Variants in ABCC6 observed in about 807,000 individuals in gnomAD.
The protein encoded by ABCC6 is ATP binding cassette subfamily C member 6, also known as ATP-binding cassette sub-family C member 6.
ABCC6 carries 126 observed loss-of-function variants against 169.5 expected under a neutral mutation model. The observed-to-expected ratio is 0.74, with a 90% CI of 0.64 to 0.86. ABCC6 has a LOEUF of 0.86. Among genes scored for constraint, ABCC6 ranks in the 40% least tolerant of loss-of-function variants. The pLI is 0.00. For missense variants in ABCC6, 1,733 were observed against 1,927.2 expected, an observed-to-expected ratio of 0.90 and a Z score of 1.89; for synonymous variants, 752 against 814.7, an observed-to-expected ratio of 0.92 and a Z score of 1.31.
At chr16:16,190,433 C>G in intron 11 of ABCC6, 66 bp from the exon 12 acceptor site, 1 of 1,565,470 alleles carries the variant, frequency 6.4e-7, no homozygotes. Flanking sequence ...TGCACCCTGA[C>G]AGCCACCCTT....
intron 11 of ABCC6, among the ~76,000 whole-genome samples, chr16:16,192,377 A>G (rs1481972196): frequency 6.6e-6 from 1 of 152,042 alleles, no homozygotes; most frequent in East Asian, 1.9e-4. Context: ...GGGTCTGAGT[A>G]GAGGAGGGGT....
At chr16:16,152,722 C>T (rs942289491) in intron 29 of ABCC6, among the ~76,000 whole-genome samples, 450 of 1,752 alleles carry the variant, frequency 0.26, 2 homozygotes, top group African/African-American at 0.39. Flanking sequence ...CAGGGCGGGG[C>T]GGGGGTGGGG....
chr16:16,176,745 G>A (rs2047290627), intron 19 of ABCC6, among the ~76,000 whole-genome samples: 1 of 152,154 alleles, frequency 6.6e-6, no homozygotes, highest in South Asian at 2.1e-4. Flanking sequence ...AAGTTGCTTG[G>A]GTTCAAATCC....
At chr16:16,199,430 C>T (rs1358270858) in intron 9 of ABCC6, among the ~76,000 whole-genome samples, 1 of 128,286 alleles carries the variant, frequency 7.8e-6, no homozygotes, top group Non-Finnish European at 1.8e-5. Flanking sequence ...TCCAGGGTGA[C>T]GAAGGCATGA....
intron 9 of ABCC6, among the ~76,000 whole-genome samples, chr16:16,200,150 G>A (rs1403158355): frequency 6.6e-6 from 1 of 151,956 alleles, no homozygotes; most frequent in African/African-American, 2.4e-5. Flanking sequence ...AAGTAGCCCA[G>A]GCTGAGCGCG....
intron 12 of ABCC6, among the ~76,000 whole-genome samples, chr16:16,189,514 T>C (rs1020616792): frequency 6.6e-6 from 1 of 150,822 alleles, no homozygotes; most frequent in African/African-American, 2.4e-5. Context: ...GCCTCCTGGG[T>C]TCAAGTGATT....
rs530073662 is a variant in ABCC6, at chr16:16,202,070, C to G, written c.1107G>C (p.Gln369His). 6.2e-7 allele frequency: 1 copy of G among 1,614,016 alleles called. No individual in the cohort carries two copies. The highest frequency in any genetic ancestry group is 1.1e-5 in the South Asian group (1 of 91,078). The change falls in exon 9 of 31, where the codon CAG (glutamine) becomes CAC (histidine). Residue 369 changes from glutamine (Q) to histidine (H), a missense_variant. Transcript: ENST00000205557. ...GCAGCACCTTGAGCCTGTACATGTT[C>G]TGCTGCTCAAACAGCGTTTGCAGGC... Reference protein sequence around the residue: ...SACLQTLFEQQNMYRLKVLQM... With the variant: ...SACLQTLFEQHNMYRLKVLQM...
chr16:16,206,678 G>A (rs993036372), intron 7 of ABCC6, among the ~76,000 whole-genome samples: 1 of 151,932 alleles, frequency 6.6e-6, no homozygotes, highest in African/African-American at 2.4e-5. Context: ...TCTGTCAACT[G>A]TTTATGGGAG....
intron 4 of ABCC6, among the ~76,000 whole-genome samples, chr16:16,216,167 C>T (rs2048865188): frequency 6.6e-6 from 1 of 152,206 alleles, no homozygotes. Context: ...GATGATCCTC[C>T]TGCCTTGGCC....
rs1431288936 is a variant in ABCC6, at chr16:16,177,616, A to G, written c.2426T>C (p.Leu809Pro). 6.2e-6 allele frequency: 10 copies of G among 1,614,180 alleles called. No individual in the cohort carries two copies. The highest frequency in any genetic ancestry group is 7.6e-6 in the Non-Finnish European group (9 of 1,180,032). ...CAGGATGTGGAGTGCGTGCGTCACGAGAATCCGTGTCTGGGCAGGGAAGGG... is the reference window on the plus strand; with the variant it reads ...CAGGATGTGGAGTGCGTGCGTCACGGGAATCCGTGTCTGGGCAGGGAAGGG... ...GGLLQGTTRILVTHALHILPQ... is the reference protein window; with the variant it reads ...GGLLQGTTRIPVTHALHILPQ... Residue 809 changes from leucine (L) to proline (P), a missense_variant, in exon 19 of 31, where the codon CTC (leucine) becomes CCC (proline). Leu to Pro is a moderately conservative substitution (Grantham distance 98). Transcript: ENST00000205557.
Position 16,214,398 on chromosome 16 carries a change from G to A in ABCC6, c.526C>T (p.Leu176=), listed in dbSNP as rs1343156604. Residue 176 remains leucine (L), a synonymous_variant, in exon 5 of 31, where the codon CTG becomes TTG. Coordinates refer to ENST00000205557, the MANE Select transcript of ABCC6 (RefSeq NM_001171.6). Reference sequence around the variant, plus strand: ...GACAGCACAAACTGTGCCACCACCAGAGACAGGCATAGGTAGGTGGACAGG... The same window carrying A: ...GACAGCACAAACTGTGCCACCACCAAAGACAGGCATAGGTAGGTGGACAGG... ...RHLSTYLCLS[L]VVAQFVLSCL... 1 of 1,551,170 alleles carries A rather than the reference G, an allele frequency of 6.4e-7. No individual in the cohort carries two copies. The highest frequency in any genetic ancestry group is 1.2e-5 in the South Asian group (1 of 84,048).
In ABCC6 at chr16:16,190,209, G is replaced by C; in HGVS notation, c.1590C>G (p.Leu530=). The C allele has an allele frequency of 6.2e-7, 1 of 1,614,038 alleles. No homozygotes were observed. Among genetic ancestry groups the C allele is most frequent in the Non-Finnish European group, 8.5e-7 (1 of 1,180,022 alleles). The change falls in exon 12 of 31, where the codon CTC becomes CTG. Residue 530 remains leucine (L), a synonymous_variant. Coordinates refer to ENST00000205557, the MANE Select transcript of ABCC6 (RefSeq NM_001171.6). The part of the protein sequence containing the change: ...QELGALRTSG[L]LFSVSLVSFQ... Reference sequence around the variant, plus strand: ...AGGACACCAGCGACACAGAGAAGAGGAGGCCGGAGGTCCGCAAGGCGCCCA... The same window carrying C: ...AGGACACCAGCGACACAGAGAAGAGCAGGCCGGAGGTCCGCAAGGCGCCCA...
At position 16,149,570 on chromosome 16, in the gene ABCC6, G is replaced by A. The variant is rs1390658650; in HGVS notation, c.*563C>T. 2 of 237,214 alleles carry A rather than the reference G, an allele frequency of 8.4e-6. No homozygotes were observed. The highest frequency in any genetic ancestry group is 4.5e-5 in the African/African-American group (2 of 44,802). 14.7% of individuals were successfully genotyped at this position (237,214 alleles called of 1,614,324 possible). A position where few individuals can be genotyped will look rare whatever the true frequency, so the allele number is the denominator to read the frequency against. ...AACACACACACACACAGGAGTACAGGTAAAACGGGAAATCGAGCAAGATTG... is the reference window on the plus strand; with the variant it reads ...AACACACACACACACAGGAGTACAGATAAAACGGGAAATCGAGCAAGATTG... On this transcript the variant is annotated 3_prime_UTR_variant, in exon 31 of 31. Coordinates refer to ENST00000205557, the MANE Select transcript of ABCC6 (RefSeq NM_001171.6).
intron 23 of ABCC6, 80 bp from the exon 24 acceptor site, chr16:16,163,272 A>C (rs138829589): frequency 1.5e-6 from 2 of 1,368,622 alleles, no homozygotes; most frequent in Non-Finnish European, 2.0e-6. Flanking sequence ...GAGAGCCCCA[A>C]GTACAGGATT....
rs1228722715 is a variant in ABCC6, at chr16:16,154,959, C to A, written c.3955G>T (p.Ala1319Ser). 47 of 1,586,922 alleles carry A rather than the reference C, an allele frequency of 3.0e-5. 1 individual carries two copies. Among genetic ancestry groups the A allele is most frequent in the Non-Finnish European group, 4.0e-5 (47 of 1,167,050 alleles). ...CCGTCGATCCAGATCCCACCCTCAG[C>A]TGCCTCCTGGAGCCGCAGCAGCCCA... ...ASGLLRLQEA[A>S]EGGIWIDGVP... The change falls in exon 28 of 31, where the codon GCT becomes TCT. Residue 1319 changes from alanine to serine, a missense_variant. Physicochemically the swap from Ala to Ser is moderately conservative, Grantham distance 99 (BLOSUM62 1). Coordinates refer to ENST00000205557, the MANE Select transcript of ABCC6 (RefSeq NM_001171.6).
At chr16:16,168,910 A>G (rs2046967817) in intron 22 of ABCC6, among the ~76,000 whole-genome samples, 1 of 152,018 alleles carries the variant, frequency 6.6e-6, no homozygotes, top group South Asian at 2.1e-4. Context: ...GTGAAACCCC[A>G]TCTCTACTAA....
intron 27 of ABCC6, among the ~76,000 whole-genome samples, chr16:16,157,145 G>C (rs571717195): frequency 6.6e-6 from 1 of 152,134 alleles, no homozygotes; most frequent in Non-Finnish European, 1.5e-5. Flanking sequence ...GTTGTTGTGA[G>C]AGTGAAAACG....
chr16:16,184,877 C>G, intron 15 of ABCC6, 82 bp downstream of exon 15: 1 of 1,460,732 alleles, frequency 6.8e-7, no homozygotes, highest in African/African-American at 1.4e-5. Flanking sequence ...CCTACACCAC[C>G]TCTCAGGTGG....
chr16:16,193,277 T>C (rs2047925817), intron 10 of ABCC6, among the ~76,000 whole-genome samples: 1 of 152,164 alleles, frequency 6.6e-6, no homozygotes, highest in Non-Finnish European at 1.5e-5. Context: ...TTACCCTATA[T>C]GGTCTAAGAA....
Sources: allele counts gnomAD v4.1 joint callset (sites outside exome capture counted in the v4.1 genomes callset), GRCh38; gene constraint gnomAD v4.1.1; transcripts MANE v1.5; gene names NCBI Gene and HGNC (gene_info 2026-07-23, HGNC 2026-07-21).